The following ZC3H12C variants were observed in gnomAD, a reference collection of about 807,000 sequenced individuals.
ZC3H12C encodes probable ribonuclease ZC3H12C.
In ZC3H12C, 20 loss-of-function variants were observed where a neutral mutation model predicts 76.3. The ratio of observed to expected loss-of-function variants is 0.26; its 90% CI spans 0.18 to 0.38. The LOEUF (loss-of-function observed/expected upper bound fraction) is 0.38, where lower values mean the gene tolerates loss of function less well. ZC3H12C is among the 10% of genes least tolerant of loss of function. ZC3H12C has a pLI of 1.00. For synonymous variants in ZC3H12C, 352 were observed against 399.6 expected (o/e 0.88, Z 1.42); for missense variants, 874 against 1,086.5 (o/e 0.80, Z 2.75).
At chr11:110,138,097 A>AAT (rs764795911) in intron 2 of ZC3H12C, among the ~76,000 whole-genome samples, 24 of 151,304 alleles carry the variant, frequency 1.6e-4, no homozygotes, top group Middle Eastern at 3.4e-3. Flanking sequence ...CCTATAGCAA[A>AAT]ATATATATAT....
intron 2 of ZC3H12C, among the ~76,000 whole-genome samples, chr11:110,146,365 C>T (rs1862170877): frequency 6.6e-6 from 1 of 152,166 alleles, no homozygotes; most frequent in Admixed American, 6.5e-5. Context: ...CTAGTCTCCA[C>T]AAGACAGAGC....
chr11:110,135,944 A>C (rs1289467847), intron 1 of ZC3H12C: 2 of 152,216 alleles, frequency 1.3e-5, no homozygotes, highest in Non-Finnish European at 2.9e-5. Context: ...TAATGCTAGA[A>C]ATTATATTGT....
At chr11:110,158,704 G>T (rs184467241) in intron 3 of ZC3H12C, among the ~76,000 whole-genome samples, 77 of 152,296 alleles carry the variant, frequency 5.1e-4, no homozygotes, top group Middle Eastern at 3.4e-3. Context: ...AACAACACTT[G>T]TGACCTCACT....
rs71476066 is a variant in ZC3H12C, at chr11:110,101,547, ATTT to A, written c.21+8131_21+8133del. On this transcript the variant is annotated intron_variant, in intron 1 of 5. Transcript: ENST00000278590. ...CGTAAGGCCCTTGGGAATCAATGCT[ATTT>A]TTTTTTTTTTTTTTTGAGACACAGT... Among the ~76,000 whole-genome samples, 320 of 135,414 alleles carry A rather than the reference ATTT, an allele frequency of 2.4e-3. 2 individuals are homozygous for A. Among genetic ancestry groups the A allele is most frequent in the African/African-American group, 6.1e-3 (221 of 36,132 alleles). 88.8% of individuals were successfully genotyped at this position (135,414 alleles called of 152,430 possible).
At chr11:110,101,708 C>A (rs111972053) in intron 1 of ZC3H12C, among the ~76,000 whole-genome samples, 2,535 of 152,108 alleles carry the variant, frequency 0.017, 74 homozygotes, top group African/African-American at 0.058. Context: ...CCACCACGTC[C>A]AGCTAATTTT....
chr11:110,163,633 A>C (rs1862521091), intron 5 of ZC3H12C, among the ~76,000 whole-genome samples: 1 of 152,214 alleles, frequency 6.6e-6, no homozygotes, highest in South Asian at 2.1e-4. Context: ...TTAGTTTTGA[A>C]GTGAATAAAA....
At chr11:110,149,804 CAAATCT>C (rs1382085121) in intron 2 of ZC3H12C, among the ~76,000 whole-genome samples, 1 of 151,996 alleles carries the variant, frequency 6.6e-6, no homozygotes, top group Non-Finnish European at 1.5e-5. Flanking sequence ...TTATATGTTG[CAAATCT>C]CCTCTCCAAA....
chr11:110,112,707 C>A (rs778947779), intron 1 of ZC3H12C, among the ~76,000 whole-genome samples: 31 of 152,114 alleles, frequency 2.0e-4, no homozygotes, highest in Admixed American at 2.0e-4. Context: ...CTCTCCACTC[C>A]CAGTCAGTCC....
chr11:110,099,972 TCTG>T (rs1329906411), intron 1 of ZC3H12C, among the ~76,000 whole-genome samples: 1 of 152,064 alleles, frequency 6.6e-6, no homozygotes, highest in Non-Finnish European at 1.5e-5. Context: ...GCTTTCTGTC[TCTG>T]CTATTCATCT....
At chr11:110,099,503 A>G (rs1861173802) in intron 1 of ZC3H12C, among the ~76,000 whole-genome samples, 1 of 152,202 alleles carries the variant, frequency 6.6e-6, no homozygotes, top group South Asian at 2.1e-4. Flanking sequence ...AAAGCAAAGT[A>G]CCGAGAAAAT....
intron 3 of ZC3H12C, 51 bp downstream of exon 3, chr11:110,153,109 T>C (rs563650501): frequency 1.3e-6 from 2 of 1,578,702 alleles, no homozygotes; most frequent in South Asian, 2.3e-5. Context: ...ATAATAACCA[T>C]GCAGGTGTCT....
Position 110,168,318 on chromosome 11 carries a change from T to C in ZC3H12C, c.*2581T>C, listed in dbSNP as rs182579976. 2 of 152,316 alleles carry C rather than the reference T, an allele frequency of 1.3e-5. No homozygotes were observed. Among genetic ancestry groups the C allele is most frequent in the Admixed American group, 6.5e-5 (1 of 15,280 alleles). 9.4% of individuals were successfully genotyped at this position (152,316 alleles called of 1,614,324 possible). On this transcript the variant is annotated 3_prime_UTR_variant, in exon 6 of 6. Coordinates refer to ENST00000278590, the MANE Select transcript of ZC3H12C (RefSeq NM_033390.2). ...GTTTTCTTATGTGAAGAGGACAGTT[T>C]GTCCCCTTTTTTTGAAGCACCGATG...
At chr11:110,126,838 T>G (rs2134167491) in intron 1 of ZC3H12C, among the ~76,000 whole-genome samples, 1 of 152,248 alleles carries the variant, frequency 6.6e-6, no homozygotes, top group Admixed American at 6.6e-5. Flanking sequence ...TACACTAATA[T>G]TAATGTACTT....
chr11:110,115,706 A>G (rs1861513546), intron 1 of ZC3H12C, among the ~76,000 whole-genome samples: 1 of 149,984 alleles, frequency 6.7e-6, no homozygotes, highest in Non-Finnish European at 1.5e-5. Context: ...GAGTATTAGA[A>G]TTATGGGCAT....
intron 1 of ZC3H12C, among the ~76,000 whole-genome samples, chr11:110,133,242 C>T (rs1861897583): frequency 6.6e-6 from 1 of 152,110 alleles, no homozygotes; most frequent in South Asian, 2.1e-4. Flanking sequence ...AAATCTTTAC[C>T]ATTTGGATCA....
Position 110,093,450 on chromosome 11 carries a change from G to A in ZC3H12C, c.21+18G>A. The A allele has an allele frequency of 2.5e-6, 3 of 1,205,648 alleles. No individual in the cohort carries two copies. The highest frequency in any genetic ancestry group is 3.6e-5 in the East Asian group (1 of 28,158). The allele number at this position is 1,205,648 out of a possible 1,614,324, so 74.7% of individuals were successfully genotyped here. A position where few individuals can be genotyped will look rare whatever the true frequency, so the allele number is the denominator to read the frequency against. ...GCTCCCAGGTTTGTCCTCGGGAAGG[G>A]GGTGGGGGACGCGGACCGCGGCGAG... On this transcript the variant is annotated intron_variant, in intron 1 of 5. Coordinates refer to ENST00000278590, the MANE Select transcript of ZC3H12C (RefSeq NM_033390.2).
In ZC3H12C at chr11:110,105,785, GAGATTATTTTT is replaced by G. The variant is rs548521495; in HGVS notation, c.21+12355_21+12365del. ...TCCTGTGTCATAAACATCCTTTTAAGAGATTATTTTTATTAGCTGAATGGCATTCAACATAT... is the reference window on the plus strand; with the variant it reads ...TCCTGTGTCATAAACATCCTTTTAAGATTAGCTGAATGGCATTCAACATAT... On this transcript the variant is annotated intron_variant, in intron 1 of 5. Coordinates refer to ENST00000278590, the MANE Select transcript of ZC3H12C (RefSeq NM_033390.2). Among the ~76,000 whole-genome samples the G allele has an allele frequency of 2.0e-3, 309 of 152,172 alleles. 3 individuals carry two copies. Among genetic ancestry groups the G allele is most frequent in the African/African-American group, 7.2e-3 (297 of 41,538 alleles).
At position 110,164,283 on chromosome 11, in the gene ZC3H12C, CTG is replaced by C. The variant is rs1332095884; in HGVS notation, c.1256-57_1256-56del. 2.8e-6 allele frequency: 4 copies of C among 1,446,540 alleles called. No individual in the cohort carries two copies. Among genetic ancestry groups the C allele is most frequent in the Non-Finnish European group, 3.7e-6 (4 of 1,089,110 alleles). 89.6% of individuals were successfully genotyped at this position (1,446,540 alleles called of 1,614,324 possible). A position where few individuals can be genotyped will look rare whatever the true frequency, so the allele number is the denominator to read the frequency against. ...TACAAGTTAAAATCATAGGGCCAAACTGAGTTTTCAGGATCTGATGGTATGCT... is the reference window on the plus strand; with the variant it reads ...TACAAGTTAAAATCATAGGGCCAAACAGTTTTCAGGATCTGATGGTATGCT... On this transcript the variant is annotated intron_variant, in intron 5 of 5. Coordinates refer to ENST00000278590, the MANE Select transcript of ZC3H12C (RefSeq NM_033390.2). This position sits in a 1 kb window ranked among gnomAD's most constrained non-coding sequence, Gnocchi z 5.7.
At chr11:110,152,771 G>T (rs971340568) in intron 2 of ZC3H12C, 148 bp from the exon 3 acceptor site, 9 of 790,808 alleles carry the variant, frequency 1.1e-5, no homozygotes, top group Non-Finnish European at 1.2e-5. Flanking sequence ...TAGTTATCTC[G>T]ATGTGTCTCT....
Sources: allele counts gnomAD v4.1 joint callset (sites outside exome capture counted in the v4.1 genomes callset), GRCh38; gene constraint gnomAD v4.1.1; non-coding constraint Gnocchi (gnomAD v3.1); transcripts MANE v1.5; gene names NCBI Gene and HGNC (gene_info 2026-07-23, HGNC 2026-07-21).